Variants in RXRA observed in about 807,000 individuals in gnomAD.
RXRA encodes the protein retinoic acid receptor RXR-alpha.
In RXRA, 5 loss-of-function variants were observed where a neutral mutation model predicts 44.5. The observed-to-expected ratio is 0.11, with a 90% CI of 0.06 to 0.24. The LOEUF (loss-of-function observed/expected upper bound fraction) is 0.24. RXRA is among the 10% of genes least tolerant of loss of function. The pLI is 1.00. For missense variants in RXRA, 412 were observed against 646.5 expected, an observed-to-expected ratio of 0.64 and a Z score of 3.93; for synonymous variants, 291 against 271.4, an observed-to-expected ratio of 1.07 and a Z score of -0.71.
rs1159107124 is a variant in RXRA, at chr9:134,439,467, C to T, written c.*2853C>T. ...GGACCTTCCACCCTGGGGCCTGTGT[C>T]AGCCGCCGGCCCTCCGCACCCTGGA... On this transcript the variant is annotated 3_prime_UTR_variant, in exon 10 of 10. Coordinates refer to ENST00000481739, the MANE Select transcript of RXRA (RefSeq NM_002957.6). 1.3e-5 allele frequency: 2 copies of T among 152,316 alleles called. No homozygotes were observed. Among genetic ancestry groups the T allele is most frequent in the Non-Finnish European group, 2.9e-5 (2 of 68,090 alleles). The allele number at this position is 152,316 out of a possible 1,614,324, so 9.4% of individuals were successfully genotyped here. A position where few individuals can be genotyped will look rare whatever the true frequency, so the allele number is the denominator to read the frequency against.
intron 2 of RXRA, 141 bp from the exon 3 acceptor site, chr9:134,408,008 T>C: frequency 1.9e-6 from 1 of 518,730 alleles, no homozygotes; most frequent in Non-Finnish European, 3.3e-6. Context: ...GCGTGGCGGG[T>C]GGGGGGCACG....
chr9:134,433,439 AG>A lies in RXRA; in HGVS notation c.1136-661del, dbSNP rs1831564305. On this transcript the variant is annotated intron_variant, in intron 8 of 9. Coordinates refer to ENST00000481739, the MANE Select transcript of RXRA (RefSeq NM_002957.6). This position sits in a 1 kb window ranked among gnomAD's most constrained non-coding sequence, Gnocchi z 4.2. Reference sequence around the variant, plus strand: ...AGGGCGAGGAGACTGGCTGGAGCGGAGGCAGCTGGGGGAGCCAGGTACGTTG... The same window carrying A: ...AGGGCGAGGAGACTGGCTGGAGCGGAGCAGCTGGGGGAGCCAGGTACGTTG... Among the ~76,000 whole-genome samples, 3 of 149,408 alleles carry A rather than the reference AG, an allele frequency of 2.0e-5. No individual in the cohort carries two copies. Among genetic ancestry groups the A allele is most frequent in the Non-Finnish European group, 4.4e-5 (3 of 67,934 alleles).
chr9:134,352,431 G>A lies in RXRA; in HGVS notation c.28+25772G>A, dbSNP rs74515159. Among the ~76,000 whole-genome samples the A allele has an allele frequency of 9.4e-3, 1,438 of 152,216 alleles. 22 individuals carry two copies. Among genetic ancestry groups the A allele is most frequent in the African/African-American group, 0.028 (1,179 of 41,530 alleles). The stretch of plus-strand genomic sequence containing the variant: ...TTCCCTGCTTCTGAGCAGGGGCCCT[G>A]CTCTAGGCCCCAGGTGGGCAGCACA... On this transcript the variant is annotated intron_variant, in intron 1 of 9. Transcript: ENST00000481739.
At position 134,349,436 on chromosome 9, in the gene RXRA, G is replaced by A. The variant is rs1830194478; in HGVS notation, c.28+22777G>A. 2.0e-5 allele frequency among the ~76,000 whole-genome samples: 3 copies of A among 152,190 alleles called. No individual in the cohort carries two copies. The South Asian group carries it at 6.2e-4, about 31-fold the overall frequency. ...GGAGAGGGACAGGCTGGTGGGTCGG[G>A]GAAGAGAAGAGGCTGGCTCAGGTGG... On this transcript the variant is annotated intron_variant, in intron 1 of 9. Coordinates refer to ENST00000481739, the MANE Select transcript of RXRA (RefSeq NM_002957.6). This position sits in a 1 kb window ranked among gnomAD's most constrained non-coding sequence, Gnocchi z 4.3.
intron 2 of RXRA, 142 bp from the exon 3 acceptor site, chr9:134,408,007 G>A (rs1456538421): frequency 1.7e-6 from 1 of 598,708 alleles, no homozygotes; most frequent in South Asian, 2.4e-5. Context: ...AGCGTGGCGG[G>A]TGGGGGGCAC....
At chr9:134,340,064 T>A (rs1201637565) in intron 1 of RXRA, among the ~76,000 whole-genome samples, 1 of 152,106 alleles carries the variant, frequency 6.6e-6, no homozygotes, top group Non-Finnish European at 1.5e-5. Context: ...TCCCTGTCCC[T>A]GTGTGAGTGT....
At chr9:134,418,021 A>C (rs1351306561) in intron 5 of RXRA, among the ~76,000 whole-genome samples, 1 of 150,596 alleles carries the variant, frequency 6.6e-6, no homozygotes, top group Non-Finnish European at 1.5e-5. Flanking sequence ...CTCTCCTTGG[A>C]CCCTCCCTGT....
chr9:134,352,585 C>G (rs1171972355), intron 1 of RXRA, among the ~76,000 whole-genome samples: 1 of 152,172 alleles, frequency 6.6e-6, no homozygotes, highest in African/African-American at 2.4e-5. Flanking sequence ...TCCTGCTGGC[C>G]CCGCTTTCCT....
At chr9:134,422,780 T>C in intron 6 of RXRA, 2 of 985,434 alleles carry the variant, frequency 2.0e-6, no homozygotes, top group Non-Finnish European at 2.4e-6. Context: ...AGGTGTACCA[T>C]GCGGGGTCTC....
At chr9:134,412,072 C>T (rs1457557782) in intron 4 of RXRA, among the ~76,000 whole-genome samples, 2 of 152,218 alleles carry the variant, frequency 1.3e-5, no homozygotes, top group Non-Finnish European at 2.9e-5. Context: ...CAGAGCACTC[C>T]CCTCTCTCCT....
At chr9:134,344,532 C>G (rs1830126672) in intron 1 of RXRA, among the ~76,000 whole-genome samples, 1 of 152,194 alleles carries the variant, frequency 6.6e-6, no homozygotes, top group Admixed American at 6.5e-5. Context: ...TCCTTGGTTC[C>G]TTTCTCTGGG....
At chr9:134,359,992 G>A (rs1260598828) in intron 1 of RXRA, among the ~76,000 whole-genome samples, 1 of 152,238 alleles carries the variant, frequency 6.6e-6, no homozygotes, top group Non-Finnish European at 1.5e-5. Flanking sequence ...GGGGGTCCCT[G>A]GGCTAGGGGT....
intron 1 of RXRA, among the ~76,000 whole-genome samples, chr9:134,350,918 T>A (rs62576320): frequency 6.6e-6 from 1 of 152,110 alleles, no homozygotes. Context: ...GCACCTCGGC[T>A]GTGTGATGGT....
chr9:134,348,802 C>T (rs1410686701), intron 1 of RXRA, among the ~76,000 whole-genome samples: 3 of 152,226 alleles, frequency 2.0e-5, no homozygotes, highest in South Asian at 2.1e-4. Context: ...ACTTCCCGGA[C>T]GCTGGACGTC....
At chr9:134,409,464 G>A (rs752412480) in intron 4 of RXRA, among the ~76,000 whole-genome samples, 7 of 152,222 alleles carry the variant, frequency 4.6e-5, no homozygotes, top group Non-Finnish European at 1.0e-4. Flanking sequence ...GCTTCCTCCC[G>A]AGGCCAACTC....
chr9:134,401,845 C>T lies in RXRA; in HGVS notation c.242C>T (p.Thr81Ile), dbSNP rs547455563. The T allele has an allele frequency of 6.2e-7, 1 of 1,611,950 alleles. No individual in the cohort carries two copies. The highest frequency in any genetic ancestry group is 8.5e-7 in the Non-Finnish European group (1 of 1,179,234). Reference sequence around the variant, plus strand: ...GGCCCCCACTCCATGTCGGTGCCCACCACACCCACCCTGGGCTTCAGCACT... The same window carrying T: ...GGCCCCCACTCCATGTCGGTGCCCATCACACCCACCCTGGGCTTCAGCACT... ...PMGPHSMSVPTTPTLGFSTGS... is the reference protein window; with the variant it reads ...PMGPHSMSVPITPTLGFSTGS... Residue 81 changes from threonine to isoleucine, a missense_variant, in exon 2 of 10, where the codon ACC (threonine) becomes ATC (isoleucine). Transcript: ENST00000481739.
rs1285837627 is a variant in RXRA at position 134,426,259 on chromosome 9, C to T, written c.911-2849C>T. ...ACCCTGAGCCGTTTAAAGCTGTGTC[C>T]GTGCCGGGCCCCCACATCACAGGGC... On this transcript the variant is annotated intron_variant, in intron 6 of 9. Coordinates refer to ENST00000481739, the MANE Select transcript of RXRA (RefSeq NM_002957.6). The surrounding 1 kb of genome is among the most constrained non-coding windows in gnomAD (Gnocchi z 4.6). 5 of 985,292 alleles carry T rather than the reference C, an allele frequency of 5.1e-6. No homozygotes were observed. The highest frequency in any genetic ancestry group is 1.7e-5 in the African/African-American group (1 of 57,228). The allele number at this position is 985,292 out of a possible 1,614,324, so 61.0% of individuals were successfully genotyped here.
Position 134,417,438 on chromosome 9 carries a change from C to T in RXRA, c.780+111C>T. ...AGCCAGAGAGGTCCTGGGGGCTGCC[C>T]TGGGCCCTGTGGCTGCCTCAGCTCG... is the stretch of plus-strand genomic sequence containing the variant. On this transcript the variant is annotated intron_variant, in intron 5 of 9. Coordinates refer to ENST00000481739, the MANE Select transcript of RXRA (RefSeq NM_002957.6). The surrounding 1 kb of genome is among the most constrained non-coding windows in gnomAD (Gnocchi z 6.1). 1 of 1,308,548 alleles carries T rather than the reference C, an allele frequency of 7.6e-7. No homozygotes were observed. Among genetic ancestry groups the T allele is most frequent in the South Asian group, 1.4e-5 (1 of 70,966 alleles). 81.1% of individuals were successfully genotyped at this position (1,308,548 alleles called of 1,614,324 possible).
At chr9:134,375,912 AG>A (rs1830549875) in intron 1 of RXRA, among the ~76,000 whole-genome samples, 2 of 151,934 alleles carry the variant, frequency 1.3e-5, no homozygotes, top group Admixed American at 6.5e-5. Flanking sequence ...GAGGCCACGT[AG>A]AGAAAACAAG....
Sources: allele counts gnomAD v4.1 joint callset (sites outside exome capture counted in the v4.1 genomes callset), GRCh38; gene constraint gnomAD v4.1.1; non-coding constraint Gnocchi (gnomAD v3.1); transcripts MANE v1.5; gene names NCBI Gene and HGNC (gene_info 2026-07-23, HGNC 2026-07-21).